PLXNA4: variants seen among roughly 807,000 people sequenced by gnomAD.
PLXNA4 encodes plexin-A4.
Under a neutral mutation model 191.8 loss-of-function variants are expected in PLXNA4, and 44 were observed. The ratio of observed to expected loss-of-function variants is 0.23; its 90% CI spans 0.18 to 0.29. The LOEUF (loss-of-function observed/expected upper bound fraction) is 0.29. PLXNA4 is among the 10% of genes least tolerant of loss of function. The pLI is 1.00. For missense variants in PLXNA4, 1,800 were observed against 2,488.8 expected (o/e 0.72, Z 5.89); for synonymous variants, 1,082 against 1,009.5 (o/e 1.07, Z -1.36).
At chr7:132,303,308 A>T (rs1801380967) in intron 3 of PLXNA4, among the ~76,000 whole-genome samples, 2 of 148,910 alleles carry the variant, frequency 1.3e-5, no homozygotes, top group Admixed American at 6.7e-5. Flanking sequence ...CTGTTGCTTA[A>T]GCCTGTAATC....
At chr7:132,418,347 G>T (rs893629438) in intron 3 of PLXNA4, among the ~76,000 whole-genome samples, 2 of 152,144 alleles carry the variant, frequency 1.3e-5, no homozygotes, top group Non-Finnish European at 2.9e-5. Context: ...TTTTGGAGTT[G>T]TGATTGCTCC....
intron 3 of PLXNA4, among the ~76,000 whole-genome samples, chr7:132,458,333 T>C (rs1487472843): frequency 1.3e-5 from 2 of 151,846 alleles, no homozygotes; most frequent in Non-Finnish European, 2.9e-5. Flanking sequence ...GAAATGTGAA[T>C]ATATATGGTC....
intron 3 of PLXNA4, among the ~76,000 whole-genome samples, chr7:132,487,718 A>T (rs1389904090): frequency 6.6e-6 from 1 of 152,196 alleles, no homozygotes; most frequent in African/African-American, 2.4e-5. Flanking sequence ...GGCCAAGTGC[A>T]TGAGAGGAAG....
At chr7:132,489,225 A>G in intron 3 of PLXNA4, 67 bp downstream of exon 3, 2 of 1,473,068 alleles carry the variant, frequency 1.4e-6, no homozygotes, top group Non-Finnish European at 1.8e-6. Flanking sequence ...AAGATGTAAG[A>G]TAACATCCAG....
chr7:132,181,679 G>C, intron 17 of PLXNA4, 59 bp from the exon 18 acceptor site: 1 of 1,589,764 alleles, frequency 6.3e-7, no homozygotes. Flanking sequence ...CACAGCCCCA[G>C]TGCACATAGT....
At chr7:132,293,106 A>G (rs1563016757) in intron 4 of PLXNA4, among the ~76,000 whole-genome samples, 2 of 152,150 alleles carry the variant, frequency 1.3e-5, no homozygotes, top group African/African-American at 2.4e-5. Context: ...CCATGCCAGG[A>G]GCTTGGGCCT....
chr7:132,237,167 T>G (rs915639998), intron 5 of PLXNA4, among the ~76,000 whole-genome samples: 4 of 152,240 alleles, frequency 2.6e-5, no homozygotes, highest in Non-Finnish European at 5.9e-5. Context: ...AAATTGTACC[T>G]TTATTAAAAA....
intron 3 of PLXNA4, among the ~76,000 whole-genome samples, chr7:132,465,072 T>C (rs1390605689): frequency 6.6e-6 from 1 of 152,040 alleles, no homozygotes; most frequent in Non-Finnish European, 1.5e-5. Context: ...GCACTGGAAG[T>C]TTCCCTCCCT....
intron 9 of PLXNA4, among the ~76,000 whole-genome samples, chr7:132,215,807 A>G (rs1797946072): frequency 6.6e-6 from 1 of 152,216 alleles, no homozygotes; most frequent in African/African-American, 2.4e-5. Flanking sequence ...TGGTGTCCAG[A>G]GAGGACAAGG....
chr7:132,456,034 G>C (rs1354396430), intron 3 of PLXNA4, among the ~76,000 whole-genome samples: 1 of 152,180 alleles, frequency 6.6e-6, no homozygotes, highest in Non-Finnish European at 1.5e-5. Flanking sequence ...CCGGTGGGAG[G>C]GCAGGAGGGA....
intron 3 of PLXNA4, chr7:132,485,053 G>GA (rs749679372): frequency 1.4e-4 from 217 of 1,589,356 alleles, no homozygotes; most frequent in East Asian, 9.9e-4. Context: ...ACAGGCTTGA[G>GA]AAAAAAAAAT....
At chr7:132,293,230 G>A (rs1372401786) in intron 4 of PLXNA4, among the ~76,000 whole-genome samples, 1 of 152,154 alleles carries the variant, frequency 6.6e-6, no homozygotes, top group Non-Finnish European at 1.5e-5. Flanking sequence ...CTCTTCGCCT[G>A]TTGTATTAGC....
intron 4 of PLXNA4, among the ~76,000 whole-genome samples, chr7:132,291,557 G>C (rs531982154): frequency 6.6e-6 from 1 of 152,302 alleles, no homozygotes; most frequent in South Asian, 2.1e-4. Context: ...GAATGAATAA[G>C]GTGCTGAGGG....
intron 20 of PLXNA4, among the ~76,000 whole-genome samples, chr7:132,176,921 A>G (rs931999197): frequency 2.0e-5 from 3 of 146,620 alleles, no homozygotes; most frequent in African/African-American, 8.2e-5. Flanking sequence ...TGAGTGCATG[A>G]GTATGTGGGC....
At chr7:132,171,779 G>A (rs954791532) in intron 21 of PLXNA4, among the ~76,000 whole-genome samples, 4 of 152,174 alleles carry the variant, frequency 2.6e-5, no homozygotes, top group Non-Finnish European at 2.9e-5. Context: ...ACAGTGACTC[G>A]TAGGTGGAGG....
At position 132,178,731 on chromosome 7, in the gene PLXNA4, CTT is replaced by C. The variant is rs1465034347; in HGVS notation, c.3874+954_3874+955del. Among the ~76,000 whole-genome samples, 19 of 120,318 alleles carry C rather than the reference CTT, an allele frequency of 1.6e-4. 1 individual carries two copies. The highest frequency in any genetic ancestry group is 2.8e-4 in the South Asian group (1 of 3,580). 78.9% of individuals were successfully genotyped at this position (120,318 alleles called of 152,430 possible). A position where few individuals can be genotyped will look rare whatever the true frequency, so the allele number is the denominator to read the frequency against. On this transcript the variant is annotated intron_variant, in intron 20 of 31. Transcript: ENST00000321063. ...ATACACATACACACACACACACACA[CTT>C]GTAAATGAAACACATACACACACAC...
At chr7:132,435,327 A>G (rs1795428454) in intron 3 of PLXNA4, among the ~76,000 whole-genome samples, 1 of 152,116 alleles carries the variant, frequency 6.6e-6, no homozygotes, top group Non-Finnish European at 1.5e-5. Flanking sequence ...TCTGGAATCT[A>G]GACAACATCA....
At position 132,583,979 on chromosome 7, in the gene PLXNA4, T is replaced by C. The variant is rs530687960; in HGVS notation, c.-87+61949A>G. Among the ~76,000 whole-genome samples the C allele has an allele frequency of 2.6e-5, 4 of 152,310 alleles. No homozygotes were observed. The South Asian group carries it at 8.3e-4, about 32-fold the overall frequency. ...GCTGCTGGAAATCAGCCACTGTGGATGTATTTGCACTATGGGAATAGGCAC... is the reference window on the plus strand; with the variant it reads ...GCTGCTGGAAATCAGCCACTGTGGACGTATTTGCACTATGGGAATAGGCAC... On this transcript the variant is annotated intron_variant, in intron 2 of 4. Coordinates refer to the PLXNA4 transcript ENST00000378539.
intron 1 of PLXNA4, among the ~76,000 whole-genome samples, chr7:132,533,635 C>T (rs909719624): frequency 2.0e-5 from 3 of 152,368 alleles, no homozygotes; most frequent in African/African-American, 7.2e-5. Flanking sequence ...TAAGAAACTG[C>T]AGCTGCCCTG....
Sources: gnomAD v4.1 joint callset for allele counts (sites outside exome capture counted in the v4.1 genomes callset) on GRCh38, gnomAD v4.1.1 for gene constraint, MANE v1.5 for transcripts, NCBI Gene and HGNC (gene_info 2026-07-23, HGNC 2026-07-21) for gene names.